HTRA3: variants seen among roughly 807,000 people sequenced by gnomAD.
The protein encoded by HTRA3 is serine protease HTRA3.
HTRA3 carries 41 observed loss-of-function variants against 43.2 expected under a neutral mutation model. The observed-to-expected ratio is 0.95, with a 90% CI of 0.74 to 1.23. HTRA3 has a LOEUF of 1.23. Among genes scored for constraint, HTRA3 ranks in the 50% most tolerant of loss-of-function variants. HTRA3 has a pLI of 0.00. For missense variants in HTRA3, 628 were observed against 647.1 expected (o/e 0.97, Z 0.32); for synonymous variants, 295 against 287.9 (o/e 1.02, Z -0.25).
Position 8,270,070 on chromosome 4 carries a change from T to C in HTRA3, c.102T>C (p.Cys34=). Residue 34 remains cysteine (C), a synonymous_variant, in exon 1 of 9, where the codon TGT becomes TGC. Transcript: ENST00000307358. The stretch of plus-strand genomic sequence containing the variant: ...CCGCGCGCTGCGACGTGTCGCGGTG[T>C]CCCAGCCCCCGCTGCCCCGGCGGCT... ...PCPARCDVSR[C]PSPRCPGGYV... 2.0e-6 allele frequency: 3 copies of C among 1,512,910 alleles called. No individual in the cohort carries two copies. Among genetic ancestry groups the C allele is most frequent in the Non-Finnish European group, 1.8e-6 (2 of 1,141,432 alleles). The allele number at this position is 1,512,910 out of a possible 1,614,324, so 93.7% of individuals were successfully genotyped here.
chr4:8,302,615 C>T (rs1713702485), intron 7 of HTRA3, 104 bp downstream of exon 7: 1 of 1,072,288 alleles, frequency 9.3e-7, no homozygotes, highest in Non-Finnish European at 1.4e-6. Context: ...CTTGCAGGTG[C>T]CCAGACGGGC....
chr4:8,303,449 A>G (rs2153007364), intron 7 of HTRA3, among the ~76,000 whole-genome samples: 1 of 152,332 alleles, frequency 6.6e-6, no homozygotes, highest in African/African-American at 2.4e-5. Flanking sequence ...GGGGCAGGAT[A>G]GAAGGGAGGC....
Position 8,306,666 on chromosome 4 carries a change from T to TG in HTRA3, c.*531dup, listed in dbSNP as rs1490765220. On this transcript the variant is annotated 3_prime_UTR_variant, in exon 9 of 9. Coordinates refer to ENST00000307358, the MANE Select transcript of HTRA3 (RefSeq NM_053044.5). The surrounding 1 kb of genome is among the most constrained non-coding windows in gnomAD (Gnocchi z 8.9). Reference sequence around the variant, plus strand: ...CAGGTCACATCTGATCCCTTTGGGGTGCGGGGGTGGGGTCCAGCCCAGAGC... The same window carrying TG: ...CAGGTCACATCTGATCCCTTTGGGGTGGCGGGGGTGGGGTCCAGCCCAGAGC... 2 of 125,852 alleles carry TG rather than the reference T, an allele frequency of 1.6e-5. No homozygotes were observed. The highest frequency in any genetic ancestry group is 1.0e-4 in the African/African-American group (2 of 19,314). The allele number at this position is 125,852 out of a possible 1,614,324, so 7.8% of individuals were successfully genotyped here.
rs569622358 is a variant in HTRA3, at chr4:8,302,929, T to C, written c.1100+418T>C. Among the ~76,000 whole-genome samples the C allele has an allele frequency of 6.6e-5, 10 of 152,326 alleles. No individual in the cohort carries two copies. The East Asian group carries it at 1.4e-3, about 21-fold the overall frequency. ...CAGGCATCCTTGGCTTGTGGCTGCC[T>C]CCCTGCAGTCTCTACCTCTGTCTTC... is the stretch of plus-strand genomic sequence containing the variant. On this transcript the variant is annotated intron_variant, in intron 7 of 8. Coordinates refer to ENST00000307358, the MANE Select transcript of HTRA3 (RefSeq NM_053044.5).
At position 8,305,980 on chromosome 4, in the gene HTRA3, C is replaced by G. The variant is rs372465069; in HGVS notation, c.1206C>G (p.Ile402Met). The G allele has an allele frequency of 1.8e-5, 29 of 1,608,052 alleles. No individual in the cohort carries two copies. Among genetic ancestry groups the G allele is most frequent in the Non-Finnish European group, 2.3e-5 (27 of 1,178,306 alleles). Residue 402 changes from isoleucine to methionine, a missense_variant, in exon 9 of 9, where the codon ATC (isoleucine) becomes ATG (methionine). Transcript: ENST00000307358. ...APNSPSQRGG[I>M]QDGDIIVKVN... The stretch of plus-strand genomic sequence containing the variant: ...TCTCTCCTGTTGGCAGAGGCGGCAT[C>G]CAAGATGGTGACATCATCGTCAAGG...
chr4:8,298,819 C>A (rs1323937909), intron 6 of HTRA3, among the ~76,000 whole-genome samples: 1 of 152,182 alleles, frequency 6.6e-6, no homozygotes, highest in African/African-American at 2.4e-5. Context: ...TGACCATGTG[C>A]CATTCCAGCT....
rs542073485 is a variant in HTRA3, at chr4:8,297,828, T to C, written c.1051+3627T>C. Reference sequence around the variant, plus strand: ...GCTCCAGGCTCAGACGCGCAGCTGCTTGTGGGATGGACCCACCAATGTCCA... The same window carrying C: ...GCTCCAGGCTCAGACGCGCAGCTGCCTGTGGGATGGACCCACCAATGTCCA... On this transcript the variant is annotated intron_variant, in intron 6 of 8. Transcript: ENST00000307358. The surrounding 1 kb of genome is among the most constrained non-coding windows in gnomAD (Gnocchi z 5.8). 3.3e-5 allele frequency among the ~76,000 whole-genome samples: 5 copies of C among 152,204 alleles called. No homozygotes were observed. The East Asian group carries it at 5.8e-4, about 18-fold the overall frequency.
intron 6 of HTRA3, among the ~76,000 whole-genome samples, chr4:8,301,230 CTTT>C (rs2153007157): frequency 6.8e-6 from 1 of 146,044 alleles, no homozygotes; most frequent in South Asian, 2.3e-4. Context: ...TCACAGACAT[CTTT>C]ATTATTGATT....
rs780327901 is a variant in HTRA3, at chr4:8,270,012, C to T, written c.44C>T (p.Ala15Val). The T allele has an allele frequency of 8.5e-6, 11 of 1,296,912 alleles. No homozygotes were observed. In the South Asian group the frequency reaches 1.2e-4, roughly 14 times the overall value. 80.3% of individuals were successfully genotyped at this position (1,296,912 alleles called of 1,614,324 possible). ...ALLLAALAAL[A>V]LAREPPAAPC... is the part of the protein sequence containing the mutation. Reference sequence around the variant, plus strand: ...CTCCTGGCCGCGTTGGCCGCGCTGGCGCTGGCCCGGGAGCCCCCTGCGGCG... The same window carrying T: ...CTCCTGGCCGCGTTGGCCGCGCTGGTGCTGGCCCGGGAGCCCCCTGCGGCG... Residue 15 changes from alanine (A) to valine (V), a missense_variant, in exon 1 of 9, where the codon GCG becomes GTG. Physicochemically the swap from Ala to Val is moderately conservative, Grantham distance 64. Transcript: ENST00000307358.
intron 6 of HTRA3, among the ~76,000 whole-genome samples, chr4:8,300,496 A>G (rs1265421989): frequency 6.6e-6 from 1 of 152,190 alleles, no homozygotes; most frequent in East Asian, 1.9e-4. Flanking sequence ...TCTTTTGTCT[A>G]AGTGATTAAA....
chr4:8,294,394 A>T (rs1470028763), intron 6 of HTRA3, among the ~76,000 whole-genome samples, 193 bp downstream of exon 6: 1 of 151,424 alleles, frequency 6.6e-6, no homozygotes, highest in African/African-American at 2.4e-5. Flanking sequence ...CTCTTTCAGG[A>T]TCTTCCCCCT....
intron 6 of HTRA3, among the ~76,000 whole-genome samples, chr4:8,298,057 C>G (rs1015054990): frequency 2.6e-5 from 4 of 152,252 alleles, no homozygotes; most frequent in Non-Finnish European, 4.4e-5. Context: ...CCGCCTCCAC[C>G]TCCACCTCCG....
rs1382874442 is a variant in HTRA3, at chr4:8,288,002, G to A, written c.708+1219G>A. On this transcript the variant is annotated intron_variant, in intron 3 of 8. Transcript: ENST00000307358. ...AGCGTTGGACCCGGAGCTTCCCTTG[G>A]ACTGGGAAGTTCACCTTGGCTGGTT... 3.3e-5 allele frequency among the ~76,000 whole-genome samples: 5 copies of A among 152,228 alleles called. No individual in the cohort carries two copies. In the East Asian group the frequency reaches 7.7e-4, roughly 23 times the overall value.
At chr4:8,289,913 G>A (rs529963215) in intron 3 of HTRA3, among the ~76,000 whole-genome samples, 22 of 121,818 alleles carry the variant, frequency 1.8e-4, no homozygotes, top group South Asian at 5.6e-4. Flanking sequence ...TCACCTGTGC[G>A]CCCTCCTTGG....
intron 8 of HTRA3, among the ~76,000 whole-genome samples, chr4:8,304,899 T>C (rs1365437989): frequency 3.3e-5 from 5 of 152,288 alleles, no homozygotes; most frequent in African/African-American, 9.6e-5. Flanking sequence ...CCTCAGGCGA[T>C]CCACCTGCCT....
intron 1 of HTRA3, among the ~76,000 whole-genome samples, chr4:8,272,642 C>G (rs10033745): frequency 0.014 from 2,145 of 152,332 alleles, 61 homozygotes; most frequent in African/African-American, 0.048. Context: ...TCTGTCTCAC[C>G]CAGCAAGGTC....
chr4:8,289,919 C>T (rs1713163099), intron 3 of HTRA3, among the ~76,000 whole-genome samples: 1 of 151,696 alleles, frequency 6.6e-6, no homozygotes, highest in South Asian at 2.1e-4. Context: ...GTGCGCCCTC[C>T]TTGGGTGCAG....
In HTRA3 at chr4:8,270,126, T is replaced by G; in HGVS notation, c.158T>G (p.Val53Gly). ...YVPDLCNCCLVCAASEGEPCG... is the reference protein window; with the variant it reads ...YVPDLCNCCLGCAASEGEPCG... ...CCCGACCTCTGCAACTGCTGCCTGGTGTGCGCCGCCAGCGAGGGCGAGCCC... is the reference window on the plus strand; with the variant it reads ...CCCGACCTCTGCAACTGCTGCCTGGGGTGCGCCGCCAGCGAGGGCGAGCCC... The change falls in exon 1 of 9, where the codon GTG (valine) becomes GGG (glycine). Residue 53 changes from valine to glycine, a missense_variant. Val to Gly is a moderately radical substitution (Grantham distance 109, BLOSUM62 -3). Coordinates refer to ENST00000307358, the MANE Select transcript of HTRA3 (RefSeq NM_053044.5). 6.5e-7 allele frequency: 1 copy of G among 1,545,742 alleles called. No individual in the cohort carries two copies. Among genetic ancestry groups the G allele is most frequent in the East Asian group, 2.6e-5 (1 of 38,416 alleles).
chr4:8,271,325 C>T (rs1013683191), intron 1 of HTRA3, among the ~76,000 whole-genome samples: 34 of 152,196 alleles, frequency 2.2e-4, no homozygotes, highest in African/African-American at 7.7e-4. Flanking sequence ...GACTCACAGG[C>T]TCAATCTATC....
Sources: allele counts gnomAD v4.1 joint callset (sites outside exome capture counted in the v4.1 genomes callset), GRCh38; gene constraint gnomAD v4.1.1; non-coding constraint Gnocchi (gnomAD v3.1); transcripts MANE v1.5; gene names NCBI Gene and HGNC (gene_info 2026-07-23, HGNC 2026-07-21).